Variants in CPS1 observed in about 807,000 individuals in gnomAD.
The protein encoded by CPS1 is carbamoyl-phosphate synthase [ammonia], mitochondrial.
A neutral mutation model predicts 174.6 loss-of-function variants in CPS1; 109 were observed. The observed-to-expected ratio is 0.62, with a 90% CI of 0.53 to 0.73. The LOEUF is 0.73. Among genes scored for constraint, CPS1 ranks in the 30% least tolerant of loss-of-function variants. CPS1 has a pLI of 0.00. For missense variants in CPS1, 1,689 were observed against 1,821.9 expected, an observed-to-expected ratio of 0.93 and a Z score of 1.33; for synonymous variants, 637 against 632.0, an observed-to-expected ratio of 1.01 and a Z score of -0.12.
intron 27 of CPS1, 82 bp from the exon 28 acceptor site, chr2:210,650,281 G>C (rs377525025): frequency 5.1e-5 from 57 of 1,126,942 alleles, no homozygotes; most frequent in Admixed American, 1.2e-4. Flanking sequence ...GGAACTATAG[G>C]TTGTCTGGAA....
In CPS1 at chr2:210,579,168, A is replaced by G. The variant is rs192258685; in HGVS notation, c.472-546A>G. ...AGTAAAAAGCCTCCCGTGGGATAGAACCTGTTTTCTTGATTCCTAACTCAT... is the reference window on the plus strand; with the variant it reads ...AGTAAAAAGCCTCCCGTGGGATAGAGCCTGTTTTCTTGATTCCTAACTCAT... On this transcript the variant is annotated intron_variant, in intron 4 of 37. Transcript: ENST00000233072. 2.7e-3 allele frequency among the ~76,000 whole-genome samples: 414 copies of G among 152,296 alleles called. 17 individuals carry two copies. Among genetic ancestry groups the G allele is most frequent in the Admixed American group, 0.025 (388 of 15,296 alleles).
At chr2:210,523,616 T>C (rs1695886565) in intron 1 of CPS1, among the ~76,000 whole-genome samples, 2 of 151,998 alleles carry the variant, frequency 1.3e-5, no homozygotes, top group African/African-American at 4.8e-5. Context: ...TGTGTCTGAG[T>C]TGTTTCACTT....
chr2:210,600,748 A>G (rs1042574059), intron 15 of CPS1, 36 bp downstream of exon 15: 3 of 1,608,196 alleles, frequency 1.9e-6, no homozygotes, highest in Non-Finnish European at 2.6e-6. Context: ...CAAGGGCATT[A>G]TTTGTCTTGT....
At chr2:210,540,972 A>G (rs1696404634) in intron 1 of CPS1, among the ~76,000 whole-genome samples, 1 of 152,182 alleles carries the variant, frequency 6.6e-6, no homozygotes, top group Admixed American at 6.5e-5. Context: ...GGTCAAAGGC[A>G]AGTAGTTGAC....
rs983278383 is a variant in CPS1 at position 210,521,048 on chromosome 2, T to A, written c.4-35671T>A. 3.3e-5 allele frequency among the ~76,000 whole-genome samples: 5 copies of A among 152,036 alleles called. No individual in the cohort carries two copies. In the South Asian group the frequency reaches 6.2e-4, roughly 19 times the overall value. ...ATTGTTTATCAAAGTGGTTGCAACA[T>A]TTTATATTCCCACCAGCAGTGTATA... On this transcript the variant is annotated intron_variant, in intron 1 of 38. Coordinates refer to the CPS1 transcript ENST00000430249.
intron 1 of CPS1, among the ~76,000 whole-genome samples, chr2:210,491,155 C>T (rs960127605): frequency 1.2e-4 from 18 of 151,984 alleles, no homozygotes; most frequent in Admixed American, 1.1e-3. Flanking sequence ...GGATAATTGA[C>T]TTGAATGAGT....
At chr2:210,494,824 G>A (rs1221353189) in intron 1 of CPS1, among the ~76,000 whole-genome samples, 2 of 152,198 alleles carry the variant, frequency 1.3e-5, no homozygotes, top group Non-Finnish European at 2.9e-5. Flanking sequence ...GATTTGGAAG[G>A]CAGTGAGGGA....
chr2:210,482,410 C>G (rs1694595018), intron 1 of CPS1, among the ~76,000 whole-genome samples: 1 of 151,598 alleles, frequency 6.6e-6, no homozygotes, highest in South Asian at 2.1e-4. Context: ...TCCAGCAATT[C>G]TCCCACCGCA....
chr2:210,526,364 C>G (rs911865284), intron 1 of CPS1, among the ~76,000 whole-genome samples: 5 of 145,400 alleles, frequency 3.4e-5, no homozygotes, highest in African/African-American at 1.3e-4. Flanking sequence ...ACATGTATCC[C>G]AGACCTTAAA....
At chr2:210,486,164 T>C (rs1694718638) in intron 1 of CPS1, among the ~76,000 whole-genome samples, 1 of 145,450 alleles carries the variant, frequency 6.9e-6, no homozygotes, top group African/African-American at 2.5e-5. Flanking sequence ...ACACACCCTG[T>C]ATATATATAT....
chr2:210,677,876 T>C lies in CPS1; in HGVS notation c.4405-11T>C. ...CATGGAGGGTGCTGATTCCTACCAT[T>C]ATATTTTCAGGTGACCAAACTTTTT... On this transcript the variant is annotated splice_polypyrimidine_tract_variant and intron_variant, in intron 37 of 37. Coordinates refer to ENST00000233072, the MANE Select transcript of CPS1 (RefSeq NM_001875.5). The C allele has an allele frequency of 6.2e-7, 1 of 1,604,714 alleles. No homozygotes were observed. Among genetic ancestry groups the C allele is most frequent in the South Asian group, 1.1e-5 (1 of 90,884 alleles).
intron 31 of CPS1, among the ~76,000 whole-genome samples, chr2:210,659,354 A>T (rs370264232): frequency 6.6e-6 from 1 of 152,076 alleles, no homozygotes; most frequent in Admixed American, 6.6e-5. Flanking sequence ...AAAGTAGGGG[A>T]GAGAAACTGA....
chr2:210,664,889 A>G (rs1224989611), intron 33 of CPS1, among the ~76,000 whole-genome samples: 1 of 152,220 alleles, frequency 6.6e-6, no homozygotes. Context: ...TTATGCTTCA[A>G]AGAGACATTT....
chr2:210,576,812 T>A (rs1040658243), intron 3 of CPS1, among the ~76,000 whole-genome samples: 5 of 152,162 alleles, frequency 3.3e-5, no homozygotes, highest in African/African-American at 1.2e-4. Context: ...TGGTAATGAA[T>A]TCTGTATCAA....
chr2:210,483,377 A>G (rs1694629306), intron 1 of CPS1, among the ~76,000 whole-genome samples: 1 of 152,320 alleles, frequency 6.6e-6, no homozygotes, highest in East Asian at 1.9e-4. Context: ...ATCTTTGGAA[A>G]GTAGTCTCAT....
chr2:210,644,238 T>G (rs1052313327), intron 25 of CPS1, among the ~76,000 whole-genome samples: 2 of 152,068 alleles, frequency 1.3e-5, no homozygotes, highest in Non-Finnish European at 2.9e-5. Context: ...TAAAATATAG[T>G]ATTACTATAT....
chr2:210,515,935 T>A (rs1417770941), intron 1 of CPS1, among the ~76,000 whole-genome samples: 1 of 151,860 alleles, frequency 6.6e-6, no homozygotes, highest in Admixed American at 6.6e-5. Flanking sequence ...TTAAAAAATT[T>A]TCTTCCTTAA....
At chr2:210,559,610 A>G (rs1040686545) in intron 1 of CPS1, among the ~76,000 whole-genome samples, 2 of 152,144 alleles carry the variant, frequency 1.3e-5, no homozygotes, top group African/African-American at 2.4e-5. Flanking sequence ...AGATACCATA[A>G]TCTTTTTCCA....
At chr2:210,666,190 A>G (rs1701090699) in intron 33 of CPS1, among the ~76,000 whole-genome samples, 2 of 150,526 alleles carry the variant, frequency 1.3e-5, no homozygotes, top group East Asian at 3.9e-4. Context: ...TTTTTCTTGT[A>G]AATTTGTTTG....
Sources: allele counts gnomAD v4.1 joint callset (sites outside exome capture counted in the v4.1 genomes callset), GRCh38; gene constraint gnomAD v4.1.1; transcripts MANE v1.5; gene names NCBI Gene and HGNC (gene_info 2026-07-23, HGNC 2026-07-21).